The following ATG4A variants were observed in gnomAD, a reference collection of about 807,000 sequenced individuals.
The protein encoded by ATG4A is autophagy related 4A cysteine peptidase, also known as cysteine protease ATG4A.
A neutral mutation model predicts 38.4 loss-of-function variants in ATG4A; 22 were observed. That is an observed-to-expected ratio of 0.57 (90% CI 0.41 to 0.82). ATG4A has a LOEUF of 0.82. ATG4A is among the 40% of genes least tolerant of loss of function. The pLI is 0.00. For synonymous variants in ATG4A, 86 were observed against 100.7 expected (o/e 0.85, Z 0.88); for missense variants, 220 against 290.0 (o/e 0.76, Z 1.75).
At chrX:108,134,206 T>C (rs767347050) in intron 5 of ATG4A, 48 bp downstream of exon 5, 1 of 1,135,604 alleles carries the variant, frequency 8.8e-7, no homozygotes, top group East Asian at 3.0e-5. Flanking sequence ...TTCCTGTTCC[T>C]TCTCTTCCCT....
chrX:108,089,171 G>A (rs1477542508), upstream of ATG4A, among the ~76,000 whole-genome samples: 2 of 112,433 alleles, frequency 1.8e-5, no homozygotes, highest in East Asian at 5.5e-4. Context: ...GTACTTTTAT[G>A]TCAGGCACTG....
In ATG4A at chrX:108,093,152, TA is replaced by T. The variant is rs755554584; in HGVS notation, c.10+1319del. On this transcript the variant is annotated intron_variant, in intron 1 of 12. Coordinates refer to ENST00000372232, the MANE Select transcript of ATG4A (RefSeq NM_052936.5). The stretch of plus-strand genomic sequence containing the variant: ...TACTGAAGTGGGGCAACCATCACCA[TA>T]AATCAGTTTTAGAACTTTTTGATCC... Among the ~76,000 whole-genome samples the T allele has an allele frequency of 1.6e-4, 18 of 111,431 alleles. 1 individual carries two copies. The East Asian group carries it at 4.8e-3, about 30-fold the overall frequency.
intron 12 of ATG4A, 75 bp from the exon 13 acceptor site, chrX:108,153,567 C>G: frequency 1.2e-6 from 1 of 807,093 alleles, no homozygotes; most frequent in Non-Finnish European, 1.9e-6. Context: ...GTCTTAACTA[C>G]TGAGTAAAGT....
At chrX:108,132,627 C>A (rs1260655366) in intron 4 of ATG4A, among the ~76,000 whole-genome samples, 7 of 110,713 alleles carry the variant, frequency 6.3e-5, no homozygotes, top group African/African-American at 2.3e-4. Flanking sequence ...CGCAAGAAAT[C>A]AAAGATTTGG....
chrX:108,097,281 C>T (rs1435167357), intron 1 of ATG4A, among the ~76,000 whole-genome samples: 2 of 112,062 alleles, frequency 1.8e-5, no homozygotes, highest in Non-Finnish European at 3.8e-5. Flanking sequence ...CTAAATATTG[C>T]TGAAAATGGA....
chrX:108,105,621 G>A (rs2032147646), intron 1 of ATG4A, among the ~76,000 whole-genome samples: 2 of 111,156 alleles, frequency 1.8e-5, no homozygotes, highest in Admixed American at 1.9e-4. Context: ...CTTAAGTTGT[G>A]TATCTCCTCC....
intron 7 of ATG4A, among the ~76,000 whole-genome samples, chrX:108,137,596 T>G (rs1043404937): frequency 9.0e-6 from 1 of 111,294 alleles, no homozygotes; most frequent in African/African-American, 3.3e-5. Flanking sequence ...GCTAAACAAG[T>G]ACCCAGTGGC....
chrX:108,098,015 G>T (rs1160619949), intron 1 of ATG4A, among the ~76,000 whole-genome samples: 1 of 111,622 alleles, frequency 9.0e-6, no homozygotes, highest in Non-Finnish European at 1.9e-5. Context: ...ACAACGTGCA[G>T]GTTTGTTACA....
Position 108,131,240 on chromosome X carries a change from C to T in ATG4A, c.194-20C>T, listed in dbSNP as rs375362271. The T allele has an allele frequency of 8.3e-7, 1 of 1,199,606 alleles. No homozygotes were observed. Among genetic ancestry groups the T allele is most frequent in the South Asian group, 1.8e-5 (1 of 56,358 alleles). The stretch of plus-strand genomic sequence containing the variant: ...GCAATTTGAGGAACCCATATTAATT[C>T]CCTTCCATTTTGCCAACAGGTGGAA... On this transcript the variant is annotated intron_variant, in intron 3 of 12. Coordinates refer to ENST00000372232, the MANE Select transcript of ATG4A (RefSeq NM_052936.5).
rs1569310030 is a variant in ATG4A, at chrX:108,137,055, T to A, written c.468-36T>A. 6 of 1,132,493 alleles carry A rather than the reference T, an allele frequency of 5.3e-6. No individual in the cohort carries two copies. In the East Asian group the frequency reaches 1.8e-4, roughly 35 times the overall value. 93.3% of individuals were successfully genotyped at this position (1,132,493 alleles called of 1,213,427 possible). A position where few individuals can be genotyped will look rare whatever the true frequency, so the allele number is the denominator to read the frequency against. Reference sequence around the variant, plus strand: ...CTGTTTTCTGCTGATATTTCCATCTTCCCAAATTGTGACTTCATTATACAT... The same window carrying A: ...CTGTTTTCTGCTGATATTTCCATCTACCCAAATTGTGACTTCATTATACAT... On this transcript the variant is annotated intron_variant, in intron 6 of 12. Transcript: ENST00000372232.
At chrX:108,120,732 A>G (rs1047561837) in intron 1 of ATG4A, among the ~76,000 whole-genome samples, 2 of 111,947 alleles carry the variant, frequency 1.8e-5, no homozygotes, top group Non-Finnish European at 3.8e-5. Flanking sequence ...TAGCTTAACA[A>G]TTGTCCCTTG....
intron 1 of ATG4A, among the ~76,000 whole-genome samples, chrX:108,122,957 C>G (rs1276734200): frequency 8.9e-6 from 1 of 112,102 alleles, no homozygotes; most frequent in Non-Finnish European, 1.9e-5. Flanking sequence ...TCTGGCTGAT[C>G]TTGAGCTTGG....
intron 9 of ATG4A, among the ~76,000 whole-genome samples, chrX:108,149,019 T>C (rs1284556630): frequency 1.8e-5 from 2 of 112,935 alleles, no homozygotes; most frequent in African/African-American, 6.4e-5. Context: ...GACCCTAGTT[T>C]AAAAACAAGA....
At position 108,138,175 on chromosome X, in the gene ATG4A, T is replaced by C. The variant is rs192368556; in HGVS notation, c.798T>C (p.Tyr266=). The part of the protein sequence containing the change: ...ALGGKPNNAY[Y]FIGFLGDELI... ...GAGGAAAACCAAATAACGCGTATTA[T>C]TTCATAGGATTCTTAGGTAAGAAAG... is the stretch of plus-strand genomic sequence containing the variant. The change falls in exon 9 of 13, where the codon TAT becomes TAC. Residue 266 remains tyrosine (Y), a synonymous_variant. Coordinates refer to ENST00000372232, the MANE Select transcript of ATG4A (RefSeq NM_052936.5). The C allele has an allele frequency of 8.3e-7, 1 of 1,207,049 alleles. No individual in the cohort carries two copies. Among genetic ancestry groups the C allele is most frequent in the Non-Finnish European group, 1.1e-6 (1 of 892,668 alleles).
intron 12 of ATG4A, 33 bp downstream of exon 12, chrX:108,153,120 G>C: frequency 9.9e-7 from 1 of 1,011,852 alleles, no homozygotes; most frequent in Non-Finnish European, 1.4e-6. Context: ...TCAGCTAGCA[G>C]ACCCACATAT....
chrX:108,132,304 A>C (rs1321349766), intron 4 of ATG4A, among the ~76,000 whole-genome samples: 1 of 112,362 alleles, frequency 8.9e-6, no homozygotes, highest in Non-Finnish European at 1.9e-5. Context: ...ACTTGGGTGA[A>C]GGTCCAGTTG....
chrX:108,122,684 G>T (rs187051624), intron 1 of ATG4A, among the ~76,000 whole-genome samples: 1 of 111,623 alleles, frequency 9.0e-6, no homozygotes, highest in Non-Finnish European at 1.9e-5. Context: ...TATTTATTTG[G>T]CCTGACACAG....
intron 12 of ATG4A, among the ~76,000 whole-genome samples, chrX:108,153,429 C>T (rs1048492748): frequency 8.9e-6 from 1 of 112,111 alleles, no homozygotes. Context: ...ACATCACCGT[C>T]GTTAGGTTTA....
chrX:108,137,873 C>A lies in ATG4A; in HGVS notation c.617C>A (p.Ala206Asp), dbSNP rs892754536. The part of the protein sequence containing the change: ...AGDRPPDSLT[A>D]SNQSKGTSAY... ...GACAGGCCTCCCGATTCTTTAACTG[C>A]TTCAAACCAGAGTAAGGGCACCTCT... Residue 206 changes from alanine to aspartate, a missense_variant, in exon 8 of 13, where the codon GCT (alanine) becomes GAT (aspartate). By Grantham distance (126) the Ala-to-Asp change is moderately radical. This residue lies in a region of ATG4A where 159 missense variants were observed against 188.9 expected (regional missense o/e 0.84). Coordinates refer to ENST00000372232, the MANE Select transcript of ATG4A (RefSeq NM_052936.5). 3 of 1,203,537 alleles carry A rather than the reference C, an allele frequency of 2.5e-6. No individual in the cohort carries two copies. The African/African-American group carries it at 5.3e-5, about 21-fold the overall frequency.
Sources: gnomAD v4.1 joint callset for allele counts (sites outside exome capture counted in the v4.1 genomes callset) on GRCh38, gnomAD v4.1.1 for gene constraint, gnomAD v4.1.1 regional missense constraint, MANE v1.5 for transcripts, NCBI Gene and HGNC (gene_info 2026-07-23, HGNC 2026-07-21) for gene names.